RPA3: variants seen among roughly 807,000 people sequenced by gnomAD.
The protein encoded by RPA3 is replication protein A 14 kDa subunit.
In RPA3, 24 loss-of-function variants were observed where a neutral mutation model predicts 13.7. That is an observed-to-expected ratio of 1.75 (90% confidence interval 1.27 to 2.46). The LOEUF is 2.46. RPA3 is among the 30% of genes most tolerant of loss of function. RPA3 has a pLI of 0.00. For synonymous variants in RPA3, 59 were observed against 51.2 expected, an observed-to-expected ratio of 1.15 and a Z score of -0.65; for missense variants, 183 against 151.0, an observed-to-expected ratio of 1.21 and a Z score of -1.11.
At chr7:7,697,681 T>C (rs1780354129) in intron 2 of RPA3, among the ~76,000 whole-genome samples, 1 of 152,220 alleles carries the variant, frequency 6.6e-6, no homozygotes, top group Admixed American at 6.5e-5. Context: ...CAGTGTGTAA[T>C]AGAGCTGTGG....
At chr7:7,702,599 A>G (rs1034317780) in intron 2 of RPA3, among the ~76,000 whole-genome samples, 8 of 152,140 alleles carry the variant, frequency 5.3e-5, no homozygotes, top group Non-Finnish European at 1.5e-5. Context: ...TTTATTTTCA[A>G]ATGAACAGCC....
chr7:7,637,780 A>C (rs979455945), intron 7 of RPA3, 84 bp downstream of exon 7: 1 of 564,266 alleles, frequency 1.8e-6, no homozygotes, highest in Non-Finnish European at 3.2e-6. Context: ...ATAAAACTGT[A>C]TGTTATGTAA....
At chr7:7,653,553 C>T (rs1785274214) in intron 4 of RPA3, among the ~76,000 whole-genome samples, 2 of 152,170 alleles carry the variant, frequency 1.3e-5, no homozygotes, top group African/African-American at 2.4e-5. Flanking sequence ...AAGTGCATCA[C>T]GCACTAGGTG....
At chr7:7,637,124 A>G in intron 7 of RPA3, 42 bp from the exon 8 acceptor site, 1 of 1,282,454 alleles carries the variant, frequency 7.8e-7, no homozygotes, top group East Asian at 2.3e-5. Flanking sequence ...TACAATGGAA[A>G]GTTGTAACAT....
intron 1 of RPA3, 143 bp downstream of exon 1, chr7:7,718,372 C>T (rs1174497066): frequency 6.6e-6 from 1 of 152,130 alleles, no homozygotes; most frequent in Non-Finnish European, 1.5e-5. Flanking sequence ...CCACCATATT[C>T]CCAGCACTAG....
chr7:7,684,500 C>G (rs146003541), intron 4 of RPA3, among the ~76,000 whole-genome samples: 1 of 152,126 alleles, frequency 6.6e-6, no homozygotes, highest in African/African-American at 2.4e-5. Flanking sequence ...TGAGCCACCA[C>G]GCTTGGCAAC....
chr7:7,701,325 C>G (rs1175023969), intron 2 of RPA3, among the ~76,000 whole-genome samples: 1 of 152,002 alleles, frequency 6.6e-6, no homozygotes, highest in Admixed American at 6.6e-5. Flanking sequence ...GGTTAGGGGA[C>G]CTTAAATTGA....
rs753095812 is a variant in RPA3 at position 7,640,330 on chromosome 7, C to T, written c.89G>A (p.Arg30Lys). The change falls in exon 5 of 8, where the codon AGG (arginine) becomes AAG (lysine). Residue 30 changes from arginine (R) to lysine (K), a missense_variant. Arg to Lys is a conservative substitution (Grantham distance 26). Transcript: ENST00000223129. Reference protein sequence around the residue: ...FIDKPVCFVGRLEKIHPTGKM... With the variant: ...FIDKPVCFVGKLEKIHPTGKM... ...TGCGAACCCGCACACCTTTTCCAGC[C>T]TCCCTACGAAGCAGACAGGCTTGTC... is the stretch of plus-strand genomic sequence containing the variant. 5.0e-6 allele frequency: 8 copies of T among 1,614,064 alleles called. No individual in the cohort carries two copies. The highest frequency in any genetic ancestry group is 1.7e-5 in the Admixed American group (1 of 60,022).
intron 6 of RPA3, 104 bp downstream of exon 6, chr7:7,638,966 T>C (rs532009768): frequency 3.7e-6 from 3 of 809,222 alleles, no homozygotes; most frequent in South Asian, 2.4e-5. Context: ...TACCAGCTCA[T>C]CCTTTTTAAA....
chr7:7,649,688 G>C (rs1203334461), intron 4 of RPA3, among the ~76,000 whole-genome samples: 5 of 73,822 alleles, frequency 6.8e-5, no homozygotes, highest in Admixed American at 3.0e-4. Flanking sequence ...TCTTGTTGGT[G>C]GGGGGGCCCA....
At chr7:7,649,377 C>T (rs534046298) in intron 4 of RPA3, among the ~76,000 whole-genome samples, 1 of 152,136 alleles carries the variant, frequency 6.6e-6, no homozygotes, top group South Asian at 2.1e-4. Flanking sequence ...TAACTTAACC[C>T]ACTCTAGCAA....
chr7:7,674,598 T>C (rs1475630507), intron 4 of RPA3, among the ~76,000 whole-genome samples: 1 of 152,174 alleles, frequency 6.6e-6, no homozygotes, highest in Non-Finnish European at 1.5e-5. Flanking sequence ...GGGCTTAGTC[T>C]TTGACCAGGG....
intron 4 of RPA3, among the ~76,000 whole-genome samples, chr7:7,644,685 A>G (rs1254464582): frequency 6.6e-6 from 1 of 152,066 alleles, no homozygotes; most frequent in African/African-American, 2.4e-5. Flanking sequence ...TGTGGAGTCA[A>G]TTCTATTCTA....
chr7:7,654,818 C>T (rs564229090), intron 4 of RPA3, among the ~76,000 whole-genome samples: 32 of 151,244 alleles, frequency 2.1e-4, no homozygotes, highest in Non-Finnish European at 3.7e-4. Context: ...GCAGGAGAAT[C>T]GCTTGAACCT....
chr7:7,694,868 G>C (rs1780269817), intron 2 of RPA3, among the ~76,000 whole-genome samples: 1 of 152,060 alleles, frequency 6.6e-6, no homozygotes, highest in Non-Finnish European at 1.5e-5. Flanking sequence ...CTATATCTTT[G>C]TTATCCTGAT....
Position 7,640,425 on chromosome 7 carries a change from G to C in RPA3, c.-7C>G. ...AGTCCATCATGTCCACCATGATTAT[G>C]GTCCAAGACTGCGGCTGGCGGGAAA... On this transcript the variant is annotated 5_prime_UTR_variant, in exon 5 of 8. Coordinates refer to ENST00000223129, the MANE Select transcript of RPA3 (RefSeq NM_002947.5). The C allele has an allele frequency of 1.2e-6, 2 of 1,613,150 alleles. No homozygotes were observed. Among genetic ancestry groups the C allele is most frequent in the Non-Finnish European group, 1.7e-6 (2 of 1,179,400 alleles).
chr7:7,667,794 A>C (rs28916013), intron 4 of RPA3, among the ~76,000 whole-genome samples: 3 of 152,192 alleles, frequency 2.0e-5, no homozygotes, highest in Non-Finnish European at 4.4e-5. Flanking sequence ...CTAAGTGTTA[A>C]GTGTTTCTGG....
intron 4 of RPA3, chr7:7,673,322 C>T: frequency 1.2e-6 from 1 of 806,336 alleles, no homozygotes; most frequent in South Asian, 2.3e-5. Flanking sequence ...GCAGCAGCAG[C>T]AGCAGCAGCA....
At chr7:7,699,436 TTTTTAC>T (rs1464446923) in intron 2 of RPA3, among the ~76,000 whole-genome samples, 1 of 152,184 alleles carries the variant, frequency 6.6e-6, no homozygotes, top group East Asian at 1.9e-4. Context: ...TTTTGTTTAG[TTTTTAC>T]TTACACTAAA....
Sources: allele counts gnomAD v4.1 joint callset (sites outside exome capture counted in the v4.1 genomes callset), GRCh38; gene constraint gnomAD v4.1.1; transcripts MANE v1.5; gene names NCBI Gene and HGNC (gene_info 2026-07-23, HGNC 2026-07-21).